The following TFE3 variants were observed in gnomAD, a reference collection of about 807,000 sequenced individuals.
TFE3 encodes transcription factor E3.
Under a neutral mutation model 35.0 loss-of-function variants are expected in TFE3, and 5 were observed. The observed-to-expected ratio is 0.14, with a 90% CI of 0.07 to 0.30. The LOEUF is 0.30. TFE3 is among the 10% of genes least tolerant of loss of function. The pLI, the probability that TFE3 is intolerant of heterozygous loss-of-function variation, is 1.00. For missense variants in TFE3, 374 were observed against 496.6 expected (o/e 0.75, Z 2.35); for synonymous variants, 211 against 215.6 (o/e 0.98, Z 0.18).
chrX:49,040,306 AT>A, intron 2 of TFE3, 148 bp downstream of exon 2: 3 of 431,634 alleles, frequency 7.0e-6, no homozygotes, highest in African/African-American at 5.7e-5. Context: ...CCTGTGTGAC[AT>A]GCTCTTTCTG....
At chrX:49,040,644 A>G in intron 1 of TFE3, 76 bp from the exon 2 acceptor site, 1 of 726,822 alleles carries the variant, frequency 1.4e-6, no homozygotes, top group East Asian at 3.3e-5. Context: ...AGACAGAGAA[A>G]GAGAGAGAGA....
chrX:49,038,556 A>G (rs1338777678), intron 3 of TFE3, 114 bp from the exon 4 acceptor site: 1 of 968,978 alleles, frequency 1.0e-6, no homozygotes, highest in East Asian at 3.4e-5. Flanking sequence ...AGACTCACGC[A>G]GACAAGCTGG....
At position 49,029,113 on chromosome X, in the gene TFE3, C is replaced by T. The variant is rs1207586608; in HGVS notation, c.*1045G>A. On this transcript the variant is annotated 3_prime_UTR_variant, in exon 10 of 10. Transcript: ENST00000315869. The stretch of plus-strand genomic sequence containing the variant: ...GTCCCAGGATAGCCCCTTCCTTCAT[C>T]CTCTTGCCCTACATGTTGAAAAAGA... The T allele has an allele frequency of 2.3e-5, 4 of 171,901 alleles. No individual in the cohort carries two copies. Among genetic ancestry groups the T allele is most frequent in the Non-Finnish European group, 3.3e-5 (3 of 90,314 alleles). 14.2% of individuals were successfully genotyped at this position (171,901 alleles called of 1,213,427 possible). A position where few individuals can be genotyped will look rare whatever the true frequency, so the allele number is the denominator to read the frequency against.
In TFE3 at chrX:49,030,524, C is replaced by T. The variant is rs1047561; in HGVS notation, c.1362G>A (p.Ser454=). Residue 454 remains serine (S), a synonymous_variant, in exon 10 of 10, where the codon TCG becomes TCA. Transcript: ENST00000315869. ...GCTCTGGCTTGAGGCTGTCAGAAGC[C>T]GAAGTCGTGGCCAAGGAAAGCAGCC... ...TPGLLSLATT[S]ASDSLKPEQL... is the part of the protein sequence containing the mutation. 2.6e-4 allele frequency: 315 copies of T among 1,209,705 alleles called. No individual in the cohort carries two copies. The highest frequency in any genetic ancestry group is 5.5e-4 in the South Asian group (31 of 56,823).
chrX:49,040,353 T>G, intron 2 of TFE3, 102 bp downstream of exon 2: 12 of 580,854 alleles, frequency 2.1e-5, no homozygotes, highest in Admixed American at 3.3e-5. Flanking sequence ...CGCAGGCTGG[T>G]GAAAGAATGG....
At chrX:49,037,941 A>T in intron 5 of TFE3, 69 bp downstream of exon 5, 1 of 980,365 alleles carries the variant, frequency 1.0e-6, no homozygotes, top group Non-Finnish European at 1.4e-6. Flanking sequence ...ACACAGCCAG[A>T]CTGAGTATGG....
chrX:49,037,970 G>A, intron 5 of TFE3, 40 bp downstream of exon 5: 1 of 1,094,557 alleles, frequency 9.1e-7, no homozygotes, highest in Non-Finnish European at 1.2e-6. Context: ...ATACAGAAAT[G>A]CCCTAATTTT....
rs782419971 is a variant in TFE3, at chrX:49,040,096, C to T, written c.230+359G>A. Among the ~76,000 whole-genome samples the T allele has an allele frequency of 3.4e-4, 38 of 110,360 alleles. No individual in the cohort carries two copies. In the South Asian group the frequency reaches 0.014, roughly 40 times the overall value. On this transcript the variant is annotated intron_variant, in intron 2 of 9. Transcript: ENST00000315869. Reference sequence around the variant, plus strand: ...GGTGAGTTGGTAGTGTGGGAAGGGACTGAGTTGGGGCTAGAGGCATGTCCC... The same window carrying T: ...GGTGAGTTGGTAGTGTGGGAAGGGATTGAGTTGGGGCTAGAGGCATGTCCC...
chrX:49,031,992 C>T (rs1353011903), intron 8 of TFE3: 5 of 114,284 alleles, frequency 4.4e-5, no homozygotes, highest in African/African-American at 1.6e-4. Context: ...CCTGCCCTGT[C>T]CTCACCTTCC....
In TFE3 at chrX:49,030,056, G is replaced by A. The variant is rs2064689453; in HGVS notation, c.*102C>T. ...ATCTCCTCTTCCCCCAGGATACCTG[G>A]GCAGGGCAGTCTCATGGGAGGGTGG... On this transcript the variant is annotated 3_prime_UTR_variant, in exon 10 of 10. Transcript: ENST00000315869. 2 of 883,288 alleles carry A rather than the reference G, an allele frequency of 2.3e-6. No individual in the cohort carries two copies. The highest frequency in any genetic ancestry group is 6.2e-5 in the East Asian group (2 of 32,051). The allele number at this position is 883,288 out of a possible 1,213,427, so 72.8% of individuals were successfully genotyped here.
In TFE3 at chrX:49,029,685, C is replaced by A. The variant is rs1557073282; in HGVS notation, c.*473G>T. On this transcript the variant is annotated 3_prime_UTR_variant, in exon 10 of 10. Transcript: ENST00000315869. ...GAGCTTAAACCCCCAGGGCTGGGAC[C>A]TCCATTACTTGACTCCTCTTCTGTG... 1 of 431,744 alleles carries A rather than the reference C, an allele frequency of 2.3e-6. No individual in the cohort carries two copies. Among genetic ancestry groups the A allele is most frequent in the Non-Finnish European group, 4.4e-6 (1 of 226,340 alleles). 35.6% of individuals were successfully genotyped at this position (431,744 alleles called of 1,213,427 possible).
chrX:49,031,292 T>C (rs2064698373), intron 9 of TFE3, 105 bp downstream of exon 9: 5 of 947,462 alleles, frequency 5.3e-6, no homozygotes, highest in Non-Finnish European at 7.1e-6. Context: ...AGCCCAGGGA[T>C]CCCCCAAGTA....
chrX:49,038,162 G>A (rs374270871), intron 4 of TFE3, 35 bp downstream of exon 4: 257 of 1,210,681 alleles, frequency 2.1e-4, no homozygotes, highest in Non-Finnish European at 2.7e-4. Context: ...ATTTGGGAGG[G>A]GAATGTGGGA....
At position 49,030,552 on chromosome X, in the gene TFE3, G is replaced by A; in HGVS notation, c.1334C>T (p.Pro445Leu). 8.3e-7 allele frequency: 1 copy of A among 1,211,504 alleles called. No homozygotes were observed. Among genetic ancestry groups the A allele is most frequent in the South Asian group, 1.8e-5 (1 of 56,957 alleles). The change falls in exon 10 of 10, where the codon CCA becomes CTA. Residue 445 changes from proline to leucine, a missense_variant. Transcript: ENST00000315869. ...QIHGLPVPPT[P>L]GLLSLATTSA... ...AGTCGTGGCCAAGGAAAGCAGCCCT[G>A]GAGTGGGAGGTACTGGCAGGCCATG...
rs782199756 is a variant in TFE3, at chrX:49,040,452, T to C, written c.230+3A>G. The C allele has an allele frequency of 1.7e-6, 2 of 1,196,185 alleles. No homozygotes were observed. Among genetic ancestry groups the C allele is most frequent in the East Asian group, 3.0e-5 (1 of 33,706 alleles). On this transcript the variant is annotated splice_donor_region_variant and intron_variant, in intron 2 of 9. Coordinates refer to ENST00000315869, the MANE Select transcript of TFE3 (RefSeq NM_006521.6). ...GGGAATCAGATAGACAAGTCATACA[T>C]ACCTTGAGCGAAGGGGTAAGGGTTG...
At chrX:49,036,767 G>A (rs1185004433) in intron 5 of TFE3, among the ~76,000 whole-genome samples, 3 of 110,677 alleles carry the variant, frequency 2.7e-5, no homozygotes, top group South Asian at 3.8e-4. Context: ...GCACCATTGC[G>A]CTCCAGCCTG....
intron 8 of TFE3, chrX:49,031,807 C>T (rs782220410): frequency 8.1e-6 from 2 of 247,428 alleles, no homozygotes; most frequent in East Asian, 1.3e-4. Flanking sequence ...CGATTGATCT[C>T]ACTACAGCCA....
At chrX:49,040,666 C>G (rs1007116319) in intron 1 of TFE3, 98 bp from the exon 2 acceptor site, 5 of 587,384 alleles carry the variant, frequency 8.5e-6, no homozygotes, top group Non-Finnish European at 1.4e-5. Flanking sequence ...GGGGGGAGAA[C>G]GAAGAGGAGG....
At chrX:49,039,059 C>A (rs1033266520) in intron 3 of TFE3, 48 bp downstream of exon 3, 1 of 1,104,568 alleles carries the variant, frequency 9.1e-7, no homozygotes, top group Non-Finnish European at 1.2e-6. Context: ...TAGGATCACT[C>A]CTCAGTCACC....
Sources: gnomAD v4.1 joint callset for allele counts (sites outside exome capture counted in the v4.1 genomes callset) on GRCh38, gnomAD v4.1.1 for gene constraint, MANE v1.5 for transcripts, NCBI Gene and HGNC (gene_info 2026-07-23, HGNC 2026-07-21) for gene names.